Variants in LRP2 observed in about 807,000 individuals in gnomAD.
LRP2 encodes low-density lipoprotein receptor-related protein 2.
A neutral mutation model predicts 531.0 loss-of-function variants in LRP2; 172 were observed. The observed-to-expected ratio is 0.32, with a 90% confidence interval of 0.29 to 0.37. The LOEUF (loss-of-function observed/expected upper bound fraction) is 0.37. LRP2 is among the 10% of genes least tolerant of loss of function. The pLI is 1.00. For synonymous variants in LRP2, 1,992 were observed against 2,027.6 expected (o/e 0.98, Z 0.47); for missense variants, 5,167 against 5,868.3 (o/e 0.88, Z 3.90).
intron 47 of LRP2, 32 bp from the exon 48 acceptor site, chr2:169,192,065 A>T: frequency 6.4e-7 from 1 of 1,571,980 alleles, no homozygotes; most frequent in Non-Finnish European, 8.7e-7. Flanking sequence ...ATCAGAAAGC[A>T]TGAGAGCTCA....
At chr2:169,153,027 G>T (rs1686202800) in intron 66 of LRP2, 63 bp from the exon 67 acceptor site, 1 of 1,457,274 alleles carries the variant, frequency 6.9e-7, no homozygotes, top group Non-Finnish European at 9.6e-7. Flanking sequence ...AAGAACAGGG[G>T]TCTAATCAGG....
intron 61 of LRP2, among the ~76,000 whole-genome samples, chr2:169,166,291 T>C (rs535418319): frequency 6.6e-6 from 1 of 152,312 alleles, no homozygotes; most frequent in South Asian, 2.1e-4. Context: ...GAACTTTCAT[T>C]CTAGTAGAGA....
chr2:169,238,487 T>C (rs1290921277), intron 26 of LRP2, among the ~76,000 whole-genome samples, 185 bp from the exon 27 acceptor site: 1 of 145,756 alleles, frequency 6.9e-6, no homozygotes, highest in Non-Finnish European at 1.5e-5. Context: ...TTAACCTTAA[T>C]AGTTAGCTGG....
At chr2:169,202,981 A>T (rs1688252162) in intron 42 of LRP2, 22 bp from the exon 43 acceptor site, 1 of 1,607,168 alleles carries the variant, frequency 6.2e-7, no homozygotes, top group South Asian at 1.1e-5. Flanking sequence ...TAATCCCAGA[A>T]GAAGTAAAAG....
intron 24 of LRP2, among the ~76,000 whole-genome samples, chr2:169,241,671 C>G (rs140540409): frequency 6.6e-6 from 1 of 152,108 alleles, no homozygotes; most frequent in African/African-American, 2.4e-5. Flanking sequence ...TAATGTACTT[C>G]CAATTGCAGA....
At position 169,151,017 on chromosome 2, in the gene LRP2, G is replaced by A. The variant is rs1249356910; in HGVS notation, c.12471C>T (p.Tyr4157=). ...IAVDWVGRHI[Y]WSDVKNKRIE... ...TGCGTTTATTCTTGACATCTGACCA[G>A]TAAATATGCCTGAATTCAGAGGGAC... Residue 4157 remains tyrosine, a synonymous_variant, in exon 68 of 79, where the codon TAC becomes TAT. Coordinates refer to ENST00000649046, the MANE Select transcript of LRP2 (RefSeq NM_004525.3). 1.2e-6 allele frequency: 2 copies of A among 1,613,926 alleles called. No homozygotes were observed. Among genetic ancestry groups the A allele is most frequent in the Non-Finnish European group, 1.7e-6 (2 of 1,179,852 alleles).
At chr2:169,277,537 C>T (rs1410375689) in intron 13 of LRP2, among the ~76,000 whole-genome samples, 1 of 152,030 alleles carries the variant, frequency 6.6e-6, no homozygotes, top group Non-Finnish European at 1.5e-5. Context: ...ATTTAATGAG[C>T]GTTTACCTCT....
At chr2:169,256,688 T>C (rs977861617) in intron 18 of LRP2, among the ~76,000 whole-genome samples, 5 of 152,096 alleles carry the variant, frequency 3.3e-5, no homozygotes, top group African/African-American at 1.2e-4. Context: ...ACTTTTAAAG[T>C]CCTCCCAAAG....
intron 3 of LRP2, among the ~76,000 whole-genome samples, chr2:169,312,172 T>C (rs1194799159): frequency 6.6e-6 from 1 of 152,072 alleles, no homozygotes; most frequent in African/African-American, 2.4e-5. Flanking sequence ...CCAGTCTGTG[T>C]CTTTTAATTG....
chr2:169,286,348 A>T (rs201024831), intron 9 of LRP2, among the ~76,000 whole-genome samples: 1 of 152,216 alleles, frequency 6.6e-6, no homozygotes, highest in African/African-American at 2.4e-5. Context: ...ATGAAAGAAG[A>T]TGTCTGTTGT....
chr2:169,136,392 A>G (rs1403252941), intron 76 of LRP2, among the ~76,000 whole-genome samples: 2 of 152,064 alleles, frequency 1.3e-5, no homozygotes, highest in African/African-American at 4.8e-5. Context: ...GAAGGCAGGA[A>G]TGTCAGGCCT....
chr2:169,225,211 A>T, intron 33 of LRP2, 99 bp downstream of exon 33: 1 of 1,302,688 alleles, frequency 7.7e-7, no homozygotes, highest in Non-Finnish European at 1.1e-6. Context: ...CTTTTTGCTT[A>T]AAAATGATTC....
chr2:169,192,945 T>C (rs1687881155), intron 47 of LRP2, among the ~76,000 whole-genome samples: 1 of 152,152 alleles, frequency 6.6e-6, no homozygotes, highest in Non-Finnish European at 1.5e-5. Flanking sequence ...TGCCCTACCA[T>C]AGAAAGACAT....
At chr2:169,268,150 G>A (rs1454481418) in intron 16 of LRP2, among the ~76,000 whole-genome samples, 3 of 152,088 alleles carry the variant, frequency 2.0e-5, no homozygotes, top group East Asian at 1.9e-4. Context: ...AGGACCAGAC[G>A]GATTCACAGC....
At position 169,207,028 on chromosome 2, in the gene LRP2, T is replaced by C. The variant is rs1283929125; in HGVS notation, c.6692A>G (p.Glu2231Gly). 1.2e-6 allele frequency: 2 copies of C among 1,614,194 alleles called. No homozygotes were observed. The highest frequency in any genetic ancestry group is 1.7e-6 in the Non-Finnish European group (2 of 1,180,034). ...CAAGCCCCGTGGTGTGACAATGCCC[T>C]CTGACACAAGCACTGTTCGATTGGT... ...DCTNRTVLVS[E>G]GIVTPRGLAV... Residue 2231 changes from glutamate to glycine, a missense_variant, in exon 39 of 79, where the codon GAG becomes GGG. Glu to Gly is a moderately conservative substitution (Grantham distance 98). Around this residue, in one of 6 missense-constraint regions of LRP2, gnomAD observed 2,811 missense variants for 3,058.0 expected, o/e 0.92. Transcript: ENST00000649046.
chr2:169,301,231 A>G (rs532953455), intron 4 of LRP2, among the ~76,000 whole-genome samples: 65 of 152,252 alleles, frequency 4.3e-4, no homozygotes, highest in African/African-American at 1.6e-3. Context: ...CTTAACAGAA[A>G]AAAACTGTAC....
chr2:169,305,386 C>T (rs1163701680), intron 4 of LRP2, among the ~76,000 whole-genome samples: 1 of 152,108 alleles, frequency 6.6e-6, no homozygotes, highest in East Asian at 1.9e-4. Context: ...TAGCTCCTAC[C>T]CTAGTCACAG....
intron 1 of LRP2, among the ~76,000 whole-genome samples, chr2:169,346,841 C>T (rs1051028223): frequency 6.6e-6 from 1 of 152,138 alleles, no homozygotes; most frequent in Non-Finnish European, 1.5e-5. Context: ...AACTGTGTTG[C>T]TTTTAACGAC....
intron 50 of LRP2, among the ~76,000 whole-genome samples, chr2:169,185,181 G>A (rs1442601990): frequency 6.6e-6 from 1 of 152,206 alleles, no homozygotes; most frequent in African/African-American, 2.4e-5. Flanking sequence ...GACTCAGGAA[G>A]TAACGACTGA....
Sources: gnomAD v4.1 joint callset for allele counts (sites outside exome capture counted in the v4.1 genomes callset) on GRCh38, gnomAD v4.1.1 for gene constraint, gnomAD v4.1.1 regional missense constraint, MANE v1.5 for transcripts, NCBI Gene and HGNC (gene_info 2026-07-23, HGNC 2026-07-21) for gene names.